TBC1D19: variants seen among roughly 807,000 people sequenced by gnomAD.
The protein encoded by TBC1D19 is TBC1 domain family, member 19.
A neutral mutation model predicts 89.0 loss-of-function variants in TBC1D19; 60 were observed. The ratio of observed to expected loss-of-function variants is 0.67; its 90% CI spans 0.55 to 0.84. The LOEUF (loss-of-function observed/expected upper bound fraction) is 0.84, where lower values mean the gene tolerates loss of function less well. Among genes scored for constraint, TBC1D19 ranks in the 40% least tolerant of loss-of-function variants. The probability of loss-of-function intolerance (pLI) is 0.00; values close to 1 mark genes in which losing one functional copy is unlikely to be tolerated. For synonymous variants in TBC1D19, 189 were observed against 199.7 expected (o/e 0.95, Z 0.45); for missense variants, 500 against 610.8 (o/e 0.82, Z 1.91).
intron 13 of TBC1D19, among the ~76,000 whole-genome samples, chr4:26,713,795 A>G (rs1425526411): frequency 6.6e-6 from 1 of 152,144 alleles, no homozygotes; most frequent in Non-Finnish European, 1.5e-5. Flanking sequence ...TGGAAAAAGA[A>G]CACAAGGGAT....
intron 4 of TBC1D19, among the ~76,000 whole-genome samples, chr4:26,632,066 C>G (rs1227596691): frequency 6.6e-6 from 1 of 152,098 alleles, no homozygotes; most frequent in East Asian, 1.9e-4. Flanking sequence ...GATAATTTAA[C>G]AAATATTCAA....
At chr4:26,803,112 G>A in the TBC1D19 span, among the ~76,000 whole-genome samples, 3 of 152,170 alleles carry the variant, frequency 2.0e-5, no homozygotes, top group African/African-American at 4.8e-5. Context: ...TGAGGGGAAC[G>A]CATGCCATCC....
intron 13 of TBC1D19, among the ~76,000 whole-genome samples, chr4:26,695,733 C>G (rs1484495254): frequency 6.6e-6 from 1 of 152,140 alleles, no homozygotes; most frequent in Non-Finnish European, 1.5e-5. Flanking sequence ...AATTTTCAAC[C>G]CAGAATTTCA....
the TBC1D19 span, among the ~76,000 whole-genome samples, chr4:26,795,365 C>A: frequency 6.6e-6 from 1 of 152,172 alleles, no homozygotes; most frequent in Non-Finnish European, 1.5e-5. Flanking sequence ...TATTACAATT[C>A]CCTGATTCAT....
At chr4:26,857,172 T>A in the TBC1D19 span, among the ~76,000 whole-genome samples, 4 of 152,258 alleles carry the variant, frequency 2.6e-5, no homozygotes, top group Admixed American at 2.6e-4. Flanking sequence ...CCCATTTTTA[T>A]GCTAGGGCTT....
intron 1 of TBC1D19, among the ~76,000 whole-genome samples, chr4:26,596,455 CGTGTGTGTGT>C (rs35226421): frequency 6.9e-5 from 10 of 145,098 alleles, no homozygotes; most frequent in South Asian, 2.2e-4. Context: ...AATGGTAACT[CGTGTGTGTGT>C]GTGTGTGTGT....
intron 1 of TBC1D19, among the ~76,000 whole-genome samples, chr4:26,608,627 TA>T (rs1741153916): frequency 6.6e-6 from 1 of 152,284 alleles, no homozygotes; most frequent in East Asian, 1.9e-4. Flanking sequence ...AACCAGTTTT[TA>T]AAAAATTCTT....
downstream of TBC1D19, among the ~76,000 whole-genome samples, chr4:26,759,596 G>C (rs1324133869): frequency 6.6e-6 from 1 of 151,996 alleles, no homozygotes; most frequent in Non-Finnish European, 1.5e-5. Flanking sequence ...TCCCAAAATA[G>C]TTCCTTTTGT....
the TBC1D19 span, among the ~76,000 whole-genome samples, chr4:26,804,163 TGAG>T: frequency 6.6e-6 from 1 of 152,150 alleles, no homozygotes; most frequent in Admixed American, 6.5e-5. Flanking sequence ...ATTTATTTAT[TGAG>T]ATGGAGTCTC....
At chr4:26,749,454 T>G (rs1718830053) in intron 19 of TBC1D19, among the ~76,000 whole-genome samples, 1 of 150,918 alleles carries the variant, frequency 6.6e-6, no homozygotes. Flanking sequence ...GGTTGTTTTT[T>G]TTTTTTTTTT....
At chr4:26,725,400 CTTTTTCTT>C (rs974258716) in intron 15 of TBC1D19, among the ~76,000 whole-genome samples, 14 of 151,958 alleles carry the variant, frequency 9.2e-5, no homozygotes, top group East Asian at 3.9e-4. Flanking sequence ...CTGACTAATG[CTTTTTCTT>C]TTTTTCTTTT....
intron 1 of TBC1D19, among the ~76,000 whole-genome samples, chr4:26,609,138 A>G (rs906729652): frequency 2.5e-4 from 38 of 151,062 alleles, no homozygotes; most frequent in African/African-American, 8.7e-4. Flanking sequence ...CAGCACACCA[A>G]CATGGCACAT....
intron 1 of TBC1D19, among the ~76,000 whole-genome samples, chr4:26,597,667 G>A (rs928880162): frequency 6.6e-6 from 1 of 151,098 alleles, no homozygotes; most frequent in Admixed American, 6.6e-5. Context: ...CCTGGCCTTT[G>A]TATTTTTTTA....
intron 15 of TBC1D19, among the ~76,000 whole-genome samples, chr4:26,731,101 G>A (rs924197517): frequency 6.6e-6 from 1 of 152,196 alleles, no homozygotes; most frequent in Admixed American, 6.5e-5. Flanking sequence ...AAGTGCTGGA[G>A]TCAGAATTGC....
chr4:26,606,774 CA>C (rs746552566), intron 1 of TBC1D19, among the ~76,000 whole-genome samples: 9 of 152,156 alleles, frequency 5.9e-5, no homozygotes, highest in Non-Finnish European at 8.8e-5. Context: ...AGCATGATAG[CA>C]TAGTGAAAAG....
chr4:26,713,992 T>A (rs1031337836), intron 13 of TBC1D19, among the ~76,000 whole-genome samples: 1 of 151,984 alleles, frequency 6.6e-6, no homozygotes, highest in Non-Finnish European at 1.5e-5. Flanking sequence ...TATTGGGGAG[T>A]AACCCATTAA....
chr4:26,749,973 C>G (rs1718861197), intron 19 of TBC1D19, among the ~76,000 whole-genome samples: 1 of 152,098 alleles, frequency 6.6e-6, no homozygotes, highest in African/African-American at 2.4e-5. Context: ...TATAATCTAG[C>G]AAGAGAAGGA....
At chr4:26,701,000 G>C (rs1715279132) in intron 13 of TBC1D19, among the ~76,000 whole-genome samples, 1 of 152,040 alleles carries the variant, frequency 6.6e-6, no homozygotes, top group Admixed American at 6.6e-5. Flanking sequence ...ACCTCTCCGG[G>C]TGGATTGTTC....
intron 15 of TBC1D19, among the ~76,000 whole-genome samples, chr4:26,722,308 A>G (rs1717030257): frequency 6.6e-6 from 1 of 152,140 alleles, no homozygotes; most frequent in African/African-American, 2.4e-5. Context: ...GAATAGCCAA[A>G]AGAGTTGTCC....
Sources: allele counts gnomAD v4.1 joint callset (sites outside exome capture counted in the v4.1 genomes callset), GRCh38; gene constraint gnomAD v4.1.1; transcripts MANE v1.5; gene names NCBI Gene and HGNC (gene_info 2026-07-23, HGNC 2026-07-21).